The following GUCY1A2 variants were observed in gnomAD, a reference collection of about 807,000 sequenced individuals.
GUCY1A2 encodes the protein guanylate cyclase 1 soluble subunit alpha 2, also known as guanylate cyclase soluble subunit alpha-2.
In GUCY1A2, 27 loss-of-function variants were observed where a neutral mutation model predicts 63.5. The ratio of observed to expected loss-of-function variants is 0.43; its 90% CI spans 0.31 to 0.59. The LOEUF (loss-of-function observed/expected upper bound fraction) is 0.59. Ranked by LOEUF, GUCY1A2 falls within the 20% of genes least tolerant of loss-of-function variation. The probability of loss-of-function intolerance (pLI) is 0.11; values close to 1 mark genes in which losing one functional copy is unlikely to be tolerated. For missense variants in GUCY1A2, 768 were observed against 913.3 expected, an observed-to-expected ratio of 0.84 and a Z score of 2.05; for synonymous variants, 364 against 343.5, an observed-to-expected ratio of 1.06 and a Z score of -0.66.
At chr11:106,763,632 C>A (rs1268431535) in intron 6 of GUCY1A2, among the ~76,000 whole-genome samples, 2 of 152,132 alleles carry the variant, frequency 1.3e-5, no homozygotes, top group African/African-American at 4.8e-5. Flanking sequence ...GAATTTTTGA[C>A]TGAATGGATT....
intron 5 of GUCY1A2, among the ~76,000 whole-genome samples, chr11:106,802,908 T>A (rs560675124): frequency 6.6e-5 from 10 of 152,254 alleles, no homozygotes; most frequent in Non-Finnish European, 4.4e-5. Context: ...TGGGGGGTCA[T>A]AAATATTCAG....
At chr11:106,990,061 A>AT (rs1276398820) in intron 1 of GUCY1A2, among the ~76,000 whole-genome samples, 1 of 152,210 alleles carries the variant, frequency 6.6e-6, no homozygotes, top group African/African-American at 2.4e-5. Context: ...TCCTACTATC[A>AT]TAAAAAGAAA....
At chr11:106,891,408 T>C (rs773577810) in intron 4 of GUCY1A2, among the ~76,000 whole-genome samples, 2 of 152,144 alleles carry the variant, frequency 1.3e-5, no homozygotes, top group Non-Finnish European at 2.9e-5. Context: ...GCCTTTTCAC[T>C]TTCTGCCTTT....
chr11:106,708,802 C>A (rs1862965504), intron 6 of GUCY1A2, 136 bp from the exon 7 acceptor site: 2 of 501,350 alleles, frequency 4.0e-6, no homozygotes, highest in Non-Finnish European at 6.6e-6. Flanking sequence ...GGAACTGAGT[C>A]CTGGTCATTT....
At chr11:106,945,371 A>T (rs1310499794) in intron 3 of GUCY1A2, among the ~76,000 whole-genome samples, 1 of 134,108 alleles carries the variant, frequency 7.5e-6, no homozygotes, top group East Asian at 2.3e-4. Context: ...AACACCTTAG[A>T]AAATGAAAAA....
At chr11:106,892,760 G>T (rs1212970313) in intron 4 of GUCY1A2, among the ~76,000 whole-genome samples, 1 of 152,104 alleles carries the variant, frequency 6.6e-6, no homozygotes, top group Non-Finnish European at 1.5e-5. Flanking sequence ...ATTGTGTGAT[G>T]GGGGTCTTGG....
chr11:106,701,916 C>G (rs1862823553), intron 7 of GUCY1A2, among the ~76,000 whole-genome samples: 1 of 152,070 alleles, frequency 6.6e-6, no homozygotes, highest in Non-Finnish European at 1.5e-5. Context: ...AATGTGTCAG[C>G]TAAAAAATTT....
rs1591366587 is a variant in GUCY1A2, at chr11:107,018,366, C to T, written c.-311G>A. On this transcript the variant is annotated 5_prime_UTR_variant, in exon 1 of 8. Transcript: ENST00000526355. ...CCTCAGCGCCCGCCTCGGCGCATCG[C>T]CGTGCGCCGCGCTCCCGCTCACGGG... 6.7e-6 allele frequency: 1 copy of T among 149,780 alleles called. No individual in the cohort carries two copies. Among genetic ancestry groups the T allele is most frequent in the Non-Finnish European group, 1.5e-5 (1 of 67,180 alleles). 9.3% of individuals were successfully genotyped at this position (149,780 alleles called of 1,614,324 possible).
intron 5 of GUCY1A2, among the ~76,000 whole-genome samples, chr11:106,778,719 C>CA (rs953681719): frequency 6.6e-6 from 1 of 151,986 alleles, no homozygotes; most frequent in African/African-American, 2.4e-5. Context: ...CAGAGCTTAG[C>CA]ATAATGTCTA....
intron 6 of GUCY1A2, among the ~76,000 whole-genome samples, chr11:106,757,118 C>T (rs1455491490): frequency 6.6e-6 from 1 of 152,016 alleles, no homozygotes; most frequent in Non-Finnish European, 1.5e-5. Context: ...CACTGATATC[C>T]TTTCTTCTGT....
rs1486233034 is a variant in GUCY1A2 at position 106,986,079 on chromosome 11, T to G, written c.356A>C (p.Gln119Pro). ...LKRTLQYYEH[Q>P]VIGYRDAEKN... ...ATCAATTTTTACTTACCCAATAACT[T>G]GATGTTCATAATACTGCAGTGTCCT... The change falls in exon 2 of 8, where the codon CAA becomes CCA. Residue 119 changes from glutamine (Q) to proline (P), a missense_variant. Transcript: ENST00000526355. 2.1e-6 allele frequency: 3 copies of G among 1,445,126 alleles called. No individual in the cohort carries two copies. The highest frequency in any genetic ancestry group is 2.9e-6 in the Non-Finnish European group (3 of 1,025,946). 89.5% of individuals were successfully genotyped at this position (1,445,126 alleles called of 1,614,324 possible).
At chr11:106,790,079 C>T (rs1047344157) in intron 5 of GUCY1A2, among the ~76,000 whole-genome samples, 1 of 152,326 alleles carries the variant, frequency 6.6e-6, no homozygotes, top group East Asian at 1.9e-4. Flanking sequence ...GGCTTGTATC[C>T]TTTGCTTCAC....
chr11:106,881,530 G>T (rs1490853192), intron 4 of GUCY1A2, among the ~76,000 whole-genome samples: 1 of 151,906 alleles, frequency 6.6e-6, no homozygotes. Flanking sequence ...ATGAAAGTCT[G>T]CCTTATGGTG....
intron 1 of GUCY1A2, among the ~76,000 whole-genome samples, chr11:107,005,563 C>G (rs1861660799): frequency 1.3e-5 from 2 of 152,186 alleles, no homozygotes; most frequent in Admixed American, 1.3e-4. Flanking sequence ...CGTGATTTTA[C>G]ATTTTTAAAT....
intron 4 of GUCY1A2, among the ~76,000 whole-genome samples, chr11:106,847,231 C>CAA (rs57752458): frequency 0.022 from 3,061 of 141,400 alleles, 102 homozygotes; most frequent in African/African-American, 0.067. Context: ...TTGCAAAACT[C>CAA]AAAAAAAAAA....
chr11:106,771,172 TTAATCCTTGAC>T (rs1864248699), intron 6 of GUCY1A2, among the ~76,000 whole-genome samples: 1 of 152,142 alleles, frequency 6.6e-6, no homozygotes, highest in African/African-American at 2.4e-5. Context: ...CATTCTCTAG[TTAATCCTTGAC>T]CCAACTTCCC....
At chr11:107,008,451 A>G (rs1024363579) in intron 1 of GUCY1A2, among the ~76,000 whole-genome samples, 1 of 152,204 alleles carries the variant, frequency 6.6e-6, no homozygotes, top group Non-Finnish European at 1.5e-5. Flanking sequence ...TATGTCTGAG[A>G]AAAAGCTGCA....
At chr11:106,820,215 T>TA (rs869263411) in intron 4 of GUCY1A2, among the ~76,000 whole-genome samples, 11 of 152,206 alleles carry the variant, frequency 7.2e-5, no homozygotes, top group Non-Finnish European at 1.3e-4. Context: ...ATTTATTTTT[T>TA]AAAAAAATAT....
At chr11:106,741,690 T>C (rs1863697306) in intron 6 of GUCY1A2, among the ~76,000 whole-genome samples, 1 of 152,204 alleles carries the variant, frequency 6.6e-6, no homozygotes, top group Non-Finnish European at 1.5e-5. Flanking sequence ...GTGGTGATTC[T>C]ACTAGCACCA....
Sources: allele counts gnomAD v4.1 joint callset (sites outside exome capture counted in the v4.1 genomes callset), GRCh38; gene constraint gnomAD v4.1.1; transcripts MANE v1.5; gene names NCBI Gene and HGNC (gene_info 2026-07-23, HGNC 2026-07-21).